ZNF710: variants seen among roughly 807,000 people sequenced by gnomAD.
ZNF710 encodes the protein zinc finger protein 710.
A neutral mutation model predicts 50.6 loss-of-function variants in ZNF710; 13 were observed. That is an observed-to-expected ratio of 0.26 (90% CI 0.17 to 0.41). ZNF710 has a LOEUF of 0.41. Ranked by LOEUF, ZNF710 falls within the 10% of genes least tolerant of loss-of-function variation. ZNF710 has a pLI of 1.00. For synonymous variants in ZNF710, 383 were observed against 397.0 expected (o/e 0.96, Z 0.42); for missense variants, 721 against 936.6 (o/e 0.77, Z 3.01).
chr15:90,030,321 C>T (rs1348278453), intron 1 of ZNF710, among the ~76,000 whole-genome samples: 1 of 70,746 alleles, frequency 1.4e-5, no homozygotes, highest in Non-Finnish European at 2.6e-5. Context: ...AAGAGCAAAA[C>T]TCCATCTCAA....
chr15:90,050,185 G>A (rs1040964933), intron 1 of ZNF710, among the ~76,000 whole-genome samples: 2 of 152,216 alleles, frequency 1.3e-5, no homozygotes, highest in African/African-American at 2.4e-5. Context: ...GCATAAATCC[G>A]TACTCGAGCT....
chr15:90,036,607 TC>T (rs1464013964), intron 1 of ZNF710, among the ~76,000 whole-genome samples: 1 of 152,154 alleles, frequency 6.6e-6, no homozygotes, highest in Non-Finnish European at 1.5e-5. Context: ...CTCCATTATT[TC>T]TAGTGACAGA....
chr15:90,077,409 A>G (rs1032545291), intron 4 of ZNF710, among the ~76,000 whole-genome samples: 5 of 151,766 alleles, frequency 3.3e-5, no homozygotes, highest in African/African-American at 4.8e-5. Context: ...ACGCCCGGCT[A>G]ATTTTTTTGT....
intron 2 of ZNF710, among the ~76,000 whole-genome samples, chr15:90,069,153 G>A (rs767759840): frequency 5.3e-5 from 8 of 150,990 alleles, no homozygotes; most frequent in South Asian, 2.1e-4. Context: ...GCTTCAACCC[G>A]GGAGGCAGAG....
chr15:90,045,151 T>C (rs911894762), intron 1 of ZNF710, among the ~76,000 whole-genome samples: 1 of 152,166 alleles, frequency 6.6e-6, no homozygotes, highest in African/African-American at 2.4e-5. Context: ...CTCACTAAGG[T>C]AATCATCCAT....
At chr15:90,021,130 G>A (rs137964807) in intron 1 of ZNF710, among the ~76,000 whole-genome samples, 4 of 152,206 alleles carry the variant, frequency 2.6e-5, no homozygotes, top group Non-Finnish European at 5.9e-5. Flanking sequence ...ACCTGGACCC[G>A]CCTTAGCCTT....
chr15:90,064,568 A>G (rs1301908384), intron 1 of ZNF710, among the ~76,000 whole-genome samples: 1 of 152,112 alleles, frequency 6.6e-6, no homozygotes, highest in Non-Finnish European at 1.5e-5. Context: ...GCTCACTGCA[A>G]CTTCCGCCTC....
Position 90,026,263 on chromosome 15 carries a change from C to CAAAAAAAAAAAAAA in ZNF710, c.-29+24651_-29+24652insAAAAAAAAAAAAAA, listed in dbSNP as rs140942275. On this transcript the variant is annotated intron_variant, in intron 1 of 4. Transcript: ENST00000268154. ...GAGAAAAAAAACAAAACAACAACAACAACAACAAAAAAAAAAAAGGGAATG... is the reference window on the plus strand; with the variant it reads ...GAGAAAAAAAACAAAACAACAACAACAAAAAAAAAAAAAAAACAACAAAAAAAAAAAAGGGAATG... Among the ~76,000 whole-genome samples, 5 of 100,544 alleles carry CAAAAAAAAAAAAAA rather than the reference C, an allele frequency of 5.0e-5. 1 individual carries two copies. Among genetic ancestry groups the CAAAAAAAAAAAAAA allele is most frequent in the African/African-American group, 1.7e-4 (4 of 23,048 alleles). The allele number at this position is 100,544 out of a possible 152,430, so 66.0% of individuals were successfully genotyped here.
intron 1 of ZNF710, among the ~76,000 whole-genome samples, chr15:90,039,636 G>A (rs1899238378): frequency 6.6e-6 from 1 of 152,206 alleles, no homozygotes; most frequent in Admixed American, 6.5e-5. Context: ...GCTGAGCTCA[G>A]GTATGGAGGT....
At chr15:90,036,485 T>C (rs542699091) in intron 1 of ZNF710, among the ~76,000 whole-genome samples, 1 of 152,146 alleles carries the variant, frequency 6.6e-6, no homozygotes, top group Admixed American at 6.5e-5. Context: ...GTCCAGATGG[T>C]CTCTCCCCAT....
chr15:90,018,444 A>C (rs1898516241), intron 1 of ZNF710, among the ~76,000 whole-genome samples: 1 of 152,164 alleles, frequency 6.6e-6, no homozygotes, highest in African/African-American at 2.4e-5. Flanking sequence ...CTGAGATTAC[A>C]GGCGTGAGCC....
At chr15:90,000,830 C>T (rs987301331), upstream of ZNF710, among the ~76,000 whole-genome samples, 2 of 152,190 alleles carry the variant, frequency 1.3e-5, no homozygotes, top group Non-Finnish European at 2.9e-5. Context: ...ACCGGCTCTC[C>T]TCTCCAGAGG....
chr15:90,035,363 A>T (rs1899089756), intron 1 of ZNF710, among the ~76,000 whole-genome samples: 1 of 152,110 alleles, frequency 6.6e-6, no homozygotes, highest in Non-Finnish European at 1.5e-5. Flanking sequence ...CTCTGGACCC[A>T]TGAGCCCATC....
chr15:90,045,787 C>T (rs889556979), intron 1 of ZNF710, among the ~76,000 whole-genome samples: 2 of 152,070 alleles, frequency 1.3e-5, no homozygotes, highest in Non-Finnish European at 2.9e-5. Context: ...CGGACATTGC[C>T]AGGGTTGCAG....
intron 3 of ZNF710, among the ~76,000 whole-genome samples, chr15:90,073,912 C>T (rs1315179346): frequency 2.6e-5 from 4 of 150,986 alleles, no homozygotes; most frequent in Admixed American, 6.6e-5. Flanking sequence ...ATCTCTTGAA[C>T]CCAGGAGGCA....
rs752102383 is a variant in ZNF710 at position 90,080,150 on chromosome 15, G to A, written c.*321G>A. On this transcript the variant is annotated 3_prime_UTR_variant, in exon 5 of 5. Transcript: ENST00000268154. ...ACTGGGGACAGGTCACAAGGGCACC[G>A]GCCCTCGGGGTCTCTCCAGGCCCAG... The A allele has an allele frequency of 2.8e-5, 7 of 245,978 alleles. No homozygotes were observed. The highest frequency in any genetic ancestry group is 5.4e-5 in the Non-Finnish European group (7 of 129,926). 15.2% of individuals were successfully genotyped at this position (245,978 alleles called of 1,614,324 possible).
At chr15:90,037,918 G>A (rs1365718109) in intron 1 of ZNF710, among the ~76,000 whole-genome samples, 2 of 152,214 alleles carry the variant, frequency 1.3e-5, no homozygotes, top group African/African-American at 2.4e-5. Flanking sequence ...AATTCCCCGA[G>A]GGAGGCCTTG....
chr15:90,042,847 C>A (rs987680686), intron 1 of ZNF710, among the ~76,000 whole-genome samples: 1 of 152,250 alleles, frequency 6.6e-6, no homozygotes, highest in African/African-American at 2.4e-5. Context: ...ACGTATATTG[C>A]ACCCAGCCTT....
chr15:90,057,685 A>G (rs1899864212), intron 1 of ZNF710, among the ~76,000 whole-genome samples: 1 of 140,024 alleles, frequency 7.1e-6, no homozygotes, highest in Admixed American at 7.5e-5. Context: ...TTACAGAGCA[A>G]GACTAAATAA....
Sources: gnomAD v4.1 joint callset for allele counts (sites outside exome capture counted in the v4.1 genomes callset) on GRCh38, gnomAD v4.1.1 for gene constraint, MANE v1.5 for transcripts, NCBI Gene and HGNC (gene_info 2026-07-23, HGNC 2026-07-21) for gene names.